Variants in ROR1 observed in about 807,000 individuals in gnomAD.
ROR1 encodes the protein ROR family WNT receptor 1.
In ROR1, 19 loss-of-function variants were observed where a neutral mutation model predicts 78.8. That is an observed-to-expected ratio of 0.24 (90% CI 0.17 to 0.35). The LOEUF (loss-of-function observed/expected upper bound fraction) is 0.35. Ranked by LOEUF, ROR1 falls within the 10% of genes least tolerant of loss-of-function variation. ROR1 has a pLI of 1.00. For synonymous variants in ROR1, 386 were observed against 433.6 expected (o/e 0.89, Z 1.36); for missense variants, 917 against 1,177.8 (o/e 0.78, Z 3.24).
intron 8 of ROR1, among the ~76,000 whole-genome samples, chr1:64,176,336 A>T (rs1352240261): frequency 6.6e-6 from 1 of 152,214 alleles, no homozygotes; most frequent in Non-Finnish European, 1.5e-5. Context: ...TAATAACAAA[A>T]AGTTAAATAG....
intron 1 of ROR1, among the ~76,000 whole-genome samples, chr1:63,952,776 C>A (rs1187276231): frequency 6.6e-6 from 1 of 151,998 alleles, no homozygotes; most frequent in Non-Finnish European, 1.5e-5. Flanking sequence ...AAGGATAGCT[C>A]TCAGGTGGAG....
intron 4 of ROR1, among the ~76,000 whole-genome samples, chr1:64,067,993 T>C (rs1646972887): frequency 6.6e-6 from 1 of 152,220 alleles, no homozygotes. Context: ...CTATATCTTG[T>C]ATCAACTCAG....
At chr1:64,124,796 A>G (rs1254127021) in intron 4 of ROR1, among the ~76,000 whole-genome samples, 5 of 152,232 alleles carry the variant, frequency 3.3e-5, no homozygotes, top group Non-Finnish European at 7.3e-5. Context: ...CACTACTCGA[A>G]AATAGCTTTG....
chr1:64,174,833 A>C (rs1282616613), intron 8 of ROR1, among the ~76,000 whole-genome samples: 1 of 152,144 alleles, frequency 6.6e-6, no homozygotes, highest in East Asian at 1.9e-4. Flanking sequence ...CAAAAAAAGT[A>C]GGGTTGGCTC....
intron 4 of ROR1, among the ~76,000 whole-genome samples, chr1:64,071,617 A>ACACAC (rs1307904855): frequency 6.7e-6 from 1 of 149,860 alleles, no homozygotes; most frequent in African/African-American, 2.4e-5. Context: ...ACACACACAC[A>ACACAC]AACCTTGGTG....
intron 4 of ROR1, among the ~76,000 whole-genome samples, chr1:64,120,464 A>G (rs1648489719): frequency 6.6e-6 from 1 of 152,234 alleles, no homozygotes; most frequent in African/African-American, 2.4e-5. Flanking sequence ...TTTTCATTTT[A>G]ATGTGTAATA....
At chr1:63,911,232 A>C (rs1330683077) in intron 1 of ROR1, among the ~76,000 whole-genome samples, 1 of 152,120 alleles carries the variant, frequency 6.6e-6, no homozygotes, top group Non-Finnish European at 1.5e-5. Context: ...GTGTGGCCTA[A>C]TCTCCTTATG....
At chr1:63,782,285 G>A (rs1644655903) in intron 1 of ROR1, among the ~76,000 whole-genome samples, 1 of 152,152 alleles carries the variant, frequency 6.6e-6, no homozygotes, top group Admixed American at 6.5e-5. Context: ...GTGAAGCCAT[G>A]TGACTAAATA....
intron 1 of ROR1, among the ~76,000 whole-genome samples, chr1:63,983,582 G>A (rs909004961): frequency 5.3e-5 from 8 of 152,096 alleles, no homozygotes; most frequent in Non-Finnish European, 1.0e-4. Context: ...AGAAACATTC[G>A]GTAAGGCAGG....
At chr1:64,148,299 T>C (rs1649531717) in intron 7 of ROR1, among the ~76,000 whole-genome samples, 1 of 152,124 alleles carries the variant, frequency 6.6e-6, no homozygotes, top group African/African-American at 2.4e-5. Context: ...TACTCAGCCT[T>C]TTAAACTGTG....
intron 2 of ROR1, among the ~76,000 whole-genome samples, chr1:64,026,025 A>G (rs142740590): frequency 6.6e-6 from 1 of 152,194 alleles, no homozygotes; most frequent in African/African-American, 2.4e-5. Context: ...ATAATTTTTT[A>G]AGTGGCGTTT....
At chr1:63,789,133 G>A (rs1377864529) in intron 1 of ROR1, 2 of 608,630 alleles carry the variant, frequency 3.3e-6, no homozygotes, top group East Asian at 7.9e-5. Context: ...GCCTGGGAAT[G>A]GACAGTCATT....
At chr1:64,088,205 T>C (rs968676361) in intron 4 of ROR1, among the ~76,000 whole-genome samples, 5 of 152,198 alleles carry the variant, frequency 3.3e-5, no homozygotes, top group African/African-American at 1.2e-4. Flanking sequence ...ATCTATAGAA[T>C]AATCCAAAAA....
chr1:64,138,585 A>AC (rs1207096821), intron 5 of ROR1, among the ~76,000 whole-genome samples: 1 of 148,178 alleles, frequency 6.7e-6, no homozygotes, highest in East Asian at 2.0e-4. Flanking sequence ...TCGCTCTGTC[A>AC]CCCAGGCTGG....
intron 8 of ROR1, among the ~76,000 whole-genome samples, chr1:64,162,228 T>C (rs12410782): frequency 0.49 from 74,952 of 151,878 alleles, 20,120 homozygotes; most frequent in Non-Finnish European, 0.6. Context: ...TCCAAATGAA[T>C]GTGCCCTTCA....
intron 1 of ROR1, among the ~76,000 whole-genome samples, chr1:63,941,442 A>T (rs1405579912): frequency 6.6e-6 from 1 of 152,196 alleles, no homozygotes; most frequent in Non-Finnish European, 1.5e-5. Context: ...ATTGTTCTCT[A>T]AGTTTGAAAT....
At position 63,956,549 on chromosome 1, in the gene ROR1, AGGCAGT is replaced by A. The variant is rs201640814; in HGVS notation, c.92-52752_92-52747del. On this transcript the variant is annotated intron_variant, in intron 1 of 8. Coordinates refer to ENST00000371079, the MANE Select transcript of ROR1 (RefSeq NM_005012.4). The stretch of plus-strand genomic sequence containing the variant: ...TGTTATTTATTATCAGCTGGACCCA[AGGCAGT>A]GGCCCAAATTCCCTTAATTCCCACT... Among the ~76,000 whole-genome samples the A allele has an allele frequency of 5.7e-3, 867 of 152,306 alleles. 6 individuals carry two copies. The highest frequency in any genetic ancestry group is 0.02 in the African/African-American group (837 of 41,560).
At chr1:64,030,810 A>T (rs1433268282) in intron 2 of ROR1, among the ~76,000 whole-genome samples, 1 of 152,164 alleles carries the variant, frequency 6.6e-6, no homozygotes, top group Non-Finnish European at 1.5e-5. Flanking sequence ...TTATATTTAG[A>T]TTATTACAAA....
At chr1:64,112,898 T>C (rs772765594) in intron 4 of ROR1, among the ~76,000 whole-genome samples, 5 of 152,198 alleles carry the variant, frequency 3.3e-5, no homozygotes, top group Admixed American at 6.5e-5. Flanking sequence ...CATTTCCCTA[T>C]GGACAGCCTG....
Sources: allele counts gnomAD v4.1 joint callset (sites outside exome capture counted in the v4.1 genomes callset), GRCh38; gene constraint gnomAD v4.1.1; transcripts MANE v1.5; gene names NCBI Gene and HGNC (gene_info 2026-07-23, HGNC 2026-07-21).